RORA: variants seen among roughly 807,000 people sequenced by gnomAD.
The protein encoded by RORA is RAR related orphan receptor A.
In RORA, 7 loss-of-function variants were observed where a neutral mutation model predicts 69.5. The observed-to-expected ratio is 0.10, with a 90% confidence interval of 0.06 to 0.19. RORA has a LOEUF of 0.19. RORA is among the 10% of genes least tolerant of loss of function. The pLI is 1.00. For missense variants in RORA, 457 were observed against 663.0 expected (o/e 0.69, Z 3.41); for synonymous variants, 261 against 240.8 (o/e 1.08, Z -0.78).
intron 2 of RORA, among the ~76,000 whole-genome samples, chr15:60,657,797 C>T (rs1231904980): frequency 6.6e-6 from 1 of 152,200 alleles, no homozygotes; most frequent in Non-Finnish European, 1.5e-5. Flanking sequence ...TAAATTGCCA[C>T]GTTTATCACT....
intron 3 of RORA, 142 bp from the exon 4 acceptor site, chr15:60,514,899 T>G: frequency 1.6e-6 from 1 of 622,758 alleles, no homozygotes; most frequent in South Asian, 2.5e-5. Flanking sequence ...AGACCATTAA[T>G]GAAATTAAAG....
intron 1 of RORA, among the ~76,000 whole-genome samples, chr15:61,109,558 G>A (rs2078984397): frequency 6.6e-6 from 1 of 152,168 alleles, no homozygotes; most frequent in Admixed American, 6.5e-5. Context: ...CTTTGGCAAT[G>A]GAATAACTAA....
rs929974769 is a variant in RORA at position 61,229,138 on chromosome 15, C to T, written c.81G>A (p.Arg27=). Residue 27 remains arginine (R), a synonymous_variant, in exon 1 of 11, where the codon AGG becomes AGA. Transcript: ENST00000335670. ...SSGADAAAGS[R]ETPLNQESAR... Reference sequence around the variant, plus strand: ...CGGATTCCTGGTTCAGCGGGGTCTCCCTGGAGCCGGCGGCCGCGTCCGCGC... The same window carrying T: ...CGGATTCCTGGTTCAGCGGGGTCTCTCTGGAGCCGGCGGCCGCGTCCGCGC... 5 of 1,542,972 alleles carry T rather than the reference C, an allele frequency of 3.2e-6. No individual in the cohort carries two copies. The highest frequency in any genetic ancestry group is 2.4e-5 in the South Asian group (2 of 84,000).
intron 1 of RORA, among the ~76,000 whole-genome samples, chr15:60,891,487 A>G (rs912545809): frequency 1.3e-5 from 2 of 152,178 alleles, no homozygotes; most frequent in African/African-American, 4.8e-5. Flanking sequence ...CAGACATGAG[A>G]GGAACAATAT....
intron 1 of RORA, among the ~76,000 whole-genome samples, chr15:61,215,724 A>G (rs528435646): frequency 2.0e-5 from 3 of 152,200 alleles, no homozygotes; most frequent in Non-Finnish European, 4.4e-5. Flanking sequence ...CACAGAACCA[A>G]TTATTTTTGT....
At chr15:60,837,019 T>G (rs1443198113) in intron 1 of RORA, among the ~76,000 whole-genome samples, 1 of 149,980 alleles carries the variant, frequency 6.7e-6, no homozygotes, top group Admixed American at 6.8e-5. Context: ...ACATACAAAA[T>G]TCATATTCAT....
rs189655623 is a variant in RORA, at chr15:60,773,749, G to A, written c.167-95063C>T. Among the ~76,000 whole-genome samples, 4 of 152,194 alleles carry A rather than the reference G, an allele frequency of 2.6e-5. No homozygotes were observed. The East Asian group carries it at 5.8e-4, about 22-fold the overall frequency. ...CAACTTCTAGCCACTGAATTGATAC[G>A]CACATAAAGACTCAAGAAAGGTCAG... On this transcript the variant is annotated intron_variant, in intron 1 of 10. Transcript: ENST00000335670.
At chr15:61,141,944 C>T (rs1466576139) in intron 1 of RORA, among the ~76,000 whole-genome samples, 4 of 152,070 alleles carry the variant, frequency 2.6e-5, no homozygotes, top group African/African-American at 9.7e-5. Flanking sequence ...CAGGTGAGTG[C>T]TTCCAGGTGG....
At chr15:60,895,552 C>A (rs775306156) in intron 1 of RORA, among the ~76,000 whole-genome samples, 2 of 144,704 alleles carry the variant, frequency 1.4e-5, no homozygotes, top group Non-Finnish European at 3.0e-5. Context: ...CTCCTGCCTC[C>A]ACCCCCCTCT....
intron 1 of RORA, among the ~76,000 whole-genome samples, chr15:60,981,981 T>C (rs2140361053): frequency 6.6e-6 from 1 of 152,378 alleles, no homozygotes; most frequent in East Asian, 1.9e-4. Flanking sequence ...TGTTATTTTA[T>C]TTGTTGTTTA....
At chr15:61,182,709 G>A (rs2079698857) in intron 1 of RORA, among the ~76,000 whole-genome samples, 1 of 152,318 alleles carries the variant, frequency 6.6e-6, no homozygotes, top group East Asian at 1.9e-4. Context: ...GAGATGGCTG[G>A]CAGACACCAC....
intron 1 of RORA, among the ~76,000 whole-genome samples, chr15:61,039,403 G>C (rs1896621084): frequency 6.6e-6 from 1 of 151,950 alleles, no homozygotes; most frequent in South Asian, 2.1e-4. Context: ...CTGCATTATT[G>C]CTTTGTCCAT....
At chr15:61,183,424 A>G (rs1271405881) in intron 1 of RORA, among the ~76,000 whole-genome samples, 1 of 151,846 alleles carries the variant, frequency 6.6e-6, no homozygotes, top group Non-Finnish European at 1.5e-5. Flanking sequence ...AATCCCACCT[A>G]CTTGGGAGGC....
At chr15:61,033,650 TG>T (rs1896299221) in intron 1 of RORA, among the ~76,000 whole-genome samples, 1 of 152,236 alleles carries the variant, frequency 6.6e-6, no homozygotes, top group Admixed American at 6.5e-5. Context: ...GTGTCCAATT[TG>T]GTCGCCACCA....
At chr15:60,637,292 T>A (rs1462240675) in intron 2 of RORA, among the ~76,000 whole-genome samples, 1 of 152,160 alleles carries the variant, frequency 6.6e-6, no homozygotes, top group Non-Finnish European at 1.5e-5. Context: ...CTGAAAATTG[T>A]TTACAGACTA....
At chr15:60,702,847 A>G (rs979453265) in intron 1 of RORA, among the ~76,000 whole-genome samples, 12 of 152,314 alleles carry the variant, frequency 7.9e-5, no homozygotes, top group Middle Eastern at 6.8e-3. Context: ...CTCTCCTTCC[A>G]TGGTCACCTT....
At position 60,907,302 on chromosome 15, in the gene RORA, A is replaced by T. The variant is rs188244334; in HGVS notation, c.167-228616T>A. Among the ~76,000 whole-genome samples the T allele has an allele frequency of 8.2e-4, 125 of 152,258 alleles. 1 individual carries two copies. Among genetic ancestry groups the T allele is most frequent in the South Asian group, 1.9e-3 (9 of 4,820 alleles). On this transcript the variant is annotated intron_variant, in intron 1 of 10. Transcript: ENST00000335670. ...CAGTCATTGGGGATTCATGGAATAGATGTCTCTCTAAATGTCTCTCATGTC... is the reference window on the plus strand; with the variant it reads ...CAGTCATTGGGGATTCATGGAATAGTTGTCTCTCTAAATGTCTCTCATGTC...
chr15:61,148,411 A>G (rs756707492), intron 1 of RORA, among the ~76,000 whole-genome samples: 7 of 152,142 alleles, frequency 4.6e-5, no homozygotes, highest in Non-Finnish European at 7.4e-5. Flanking sequence ...CACATATTAA[A>G]TGGTCCACTA....
intron 1 of RORA, among the ~76,000 whole-genome samples, chr15:60,979,843 C>G (rs1164063397): frequency 6.6e-6 from 1 of 152,146 alleles, no homozygotes; most frequent in Non-Finnish European, 1.5e-5. Flanking sequence ...TTCTCTCTTT[C>G]TCTCTTCCAC....
Sources: gnomAD v4.1 joint callset for allele counts (sites outside exome capture counted in the v4.1 genomes callset) on GRCh38, gnomAD v4.1.1 for gene constraint, MANE v1.5 for transcripts, NCBI Gene and HGNC (gene_info 2026-07-23, HGNC 2026-07-21) for gene names.